ROBO2: variants seen among roughly 807,000 people sequenced by gnomAD.
ROBO2 encodes the protein roundabout homolog 2.
A neutral mutation model predicts 160.8 loss-of-function variants in ROBO2; 53 were observed. That is an observed-to-expected ratio of 0.33 (90% confidence interval 0.26 to 0.41). The LOEUF (loss-of-function observed/expected upper bound fraction) is 0.41. ROBO2 is among the 10% of genes least tolerant of loss of function. The pLI is 1.00. For missense variants in ROBO2, 1,577 were observed against 1,722.4 expected, an observed-to-expected ratio of 0.92 and a Z score of 1.49; for synonymous variants, 664 against 611.7, an observed-to-expected ratio of 1.09 and a Z score of -1.26.
At chr3:76,201,889 C>CAAAAAAA (rs3039047) in intron 2 of ROBO2, among the ~76,000 whole-genome samples, 1 of 105,582 alleles carries the variant, frequency 9.5e-6, no homozygotes, top group East Asian at 2.8e-4. Flanking sequence ...CGAGAAATGT[C>CAAAAAAA]AAAAAAAAAA....
At chr3:76,114,546 G>T (rs781277066) in intron 2 of ROBO2, among the ~76,000 whole-genome samples, 5 of 151,868 alleles carry the variant, frequency 3.3e-5, no homozygotes, top group Non-Finnish European at 7.4e-5. Context: ...GTACTTTACA[G>T]AAGGCCCTGA....
At chr3:76,958,391 C>T (rs1339096074) in intron 2 of ROBO2, among the ~76,000 whole-genome samples, 1 of 152,240 alleles carries the variant, frequency 6.6e-6, no homozygotes, top group Non-Finnish European at 1.5e-5. Context: ...TCTGTCTGCT[C>T]TTCCTCTCCT....
intron 2 of ROBO2, among the ~76,000 whole-genome samples, chr3:76,218,384 C>T (rs920766649): frequency 2.6e-5 from 4 of 152,148 alleles, no homozygotes; most frequent in African/African-American, 9.7e-5. Context: ...TCCCTGTTTG[C>T]AGATGAAGTG....
intron 2 of ROBO2, among the ~76,000 whole-genome samples, chr3:77,283,435 G>A (rs1266380581): frequency 6.6e-6 from 1 of 152,148 alleles, no homozygotes; most frequent in Non-Finnish European, 1.5e-5. Flanking sequence ...GCAAGCACCA[G>A]CAAAGCATAC....
chr3:76,132,395 G>GGA (rs1553653744), intron 2 of ROBO2, among the ~76,000 whole-genome samples: 483 of 43,962 alleles, frequency 0.011, 22 homozygotes, highest in Admixed American at 0.029. Context: ...CCAGACTGTT[G>GGA]GGGGGGGGGG....
At chr3:77,295,031 T>A (rs372877239) in intron 2 of ROBO2, among the ~76,000 whole-genome samples, 106 of 125,628 alleles carry the variant, frequency 8.4e-4, no homozygotes, top group Middle Eastern at 5.6e-3. Context: ...CACCAAAGAC[T>A]TAAAGAAAAA....
chr3:76,055,633 G>A (rs2067815539), intron 2 of ROBO2, among the ~76,000 whole-genome samples: 1 of 152,054 alleles, frequency 6.6e-6, no homozygotes, highest in Admixed American at 6.6e-5. Flanking sequence ...TAGGATTATA[G>A]CCTCCAGCTC....
intron 2 of ROBO2, among the ~76,000 whole-genome samples, chr3:76,216,778 A>G (rs959746964): frequency 7.2e-5 from 11 of 152,214 alleles, no homozygotes; most frequent in African/African-American, 2.7e-4. Flanking sequence ...AAGGATATCC[A>G]GGAATTGAAC....
At chr3:76,443,820 G>T (rs1457069168) in intron 2 of ROBO2, among the ~76,000 whole-genome samples, 2 of 152,100 alleles carry the variant, frequency 1.3e-5, no homozygotes, top group Non-Finnish European at 2.9e-5. Flanking sequence ...ATTTCTTGTT[G>T]AGTAGAAATT....
At chr3:76,407,587 A>G (rs988136522) in intron 2 of ROBO2, among the ~76,000 whole-genome samples, 1 of 152,026 alleles carries the variant, frequency 6.6e-6, no homozygotes, top group African/African-American at 2.4e-5. Flanking sequence ...GATGAGAGCC[A>G]TGGAGAGCAA....
intron 2 of ROBO2, among the ~76,000 whole-genome samples, chr3:76,349,662 A>G (rs1181154632): frequency 6.6e-6 from 1 of 152,130 alleles, no homozygotes; most frequent in Non-Finnish European, 1.5e-5. Context: ...CAAGCTAACA[A>G]GTTAGCCTGC....
intron 2 of ROBO2, among the ~76,000 whole-genome samples, chr3:76,187,794 G>T (rs1471205350): frequency 1.3e-5 from 2 of 151,938 alleles, no homozygotes; most frequent in African/African-American, 2.4e-5. Context: ...GAATCATCAG[G>T]TTCAGCCTCT....
chr3:76,362,105 T>G (rs905890483), intron 2 of ROBO2, among the ~76,000 whole-genome samples: 1 of 152,034 alleles, frequency 6.6e-6, no homozygotes. Flanking sequence ...TGACTCACGC[T>G]TGTAATCTTA....
intron 2 of ROBO2, among the ~76,000 whole-genome samples, chr3:76,383,464 T>G (rs2076732195): frequency 6.6e-6 from 1 of 152,244 alleles, no homozygotes. Flanking sequence ...ACCCTGAGTT[T>G]GCAGTCATGT....
chr3:77,492,850 C>T (rs1194866203), intron 4 of ROBO2, among the ~76,000 whole-genome samples: 1 of 151,838 alleles, frequency 6.6e-6, no homozygotes, highest in Non-Finnish European at 1.5e-5. Context: ...TGTTTTTATC[C>T]CTTTCAACTT....
In ROBO2 at chr3:77,378,565, G is replaced by C. The variant is rs143832444; in HGVS notation, c.389-98849G>C. Among the ~76,000 whole-genome samples, 783 of 152,280 alleles carry C rather than the reference G, an allele frequency of 5.1e-3. 6 individuals are homozygous for C. Among genetic ancestry groups the C allele is most frequent in the African/African-American group, 0.017 (690 of 41,566 alleles). ...AAGCTCAAAGTCATGTACCTGCAAA[G>C]TGGTAAAGCCAGGATTTGAACCCAA... On this transcript the variant is annotated intron_variant, in intron 2 of 25. Transcript: ENST00000461745.
At position 77,191,204 on chromosome 3, in the gene ROBO2, CA is replaced by C. The variant is rs1253011506; in HGVS notation, c.388+92865del. 2.6e-5 allele frequency among the ~76,000 whole-genome samples: 4 copies of C among 152,066 alleles called. No homozygotes were observed. The South Asian group carries it at 6.2e-4, about 24-fold the overall frequency. ...TATTAATGACTTACTGGGTGACAGA[CA>C]TTTTGCTTCGAGTATATTATTTCAT... On this transcript the variant is annotated intron_variant, in intron 2 of 25. Coordinates refer to ENST00000461745, the Ensembl canonical transcript of ROBO2.
chr3:76,219,816 C>T (rs1295757683), intron 2 of ROBO2, among the ~76,000 whole-genome samples: 3 of 152,172 alleles, frequency 2.0e-5, no homozygotes, highest in African/African-American at 7.2e-5. Context: ...ACTTAGCCAT[C>T]CCATTACTGG....
intron 2 of ROBO2, among the ~76,000 whole-genome samples, chr3:76,373,436 C>T (rs1013395188): frequency 1.3e-5 from 2 of 151,900 alleles, no homozygotes; most frequent in African/African-American, 4.8e-5. Context: ...TTTATATGTG[C>T]ATAATTTGGA....
Sources: gnomAD v4.1 joint callset for allele counts (sites outside exome capture counted in the v4.1 genomes callset) on GRCh38, gnomAD v4.1.1 for gene constraint, MANE v1.5 for transcripts, NCBI Gene and HGNC (gene_info 2026-07-23, HGNC 2026-07-21) for gene names.